S1PR1: variants seen among roughly 807,000 people sequenced by gnomAD.
S1PR1 encodes sphingosine 1-phosphate receptor 1.
A neutral mutation model predicts 18.3 loss-of-function variants in S1PR1; 2 were observed. The observed-to-expected ratio is 0.11, with a 90% CI of 0.04 to 0.34. The LOEUF (loss-of-function observed/expected upper bound fraction) is 0.34, where lower values mean the gene tolerates loss of function less well. Among genes scored for constraint, S1PR1 ranks in the 10% least tolerant of loss-of-function variants. The pLI is 1.00. For missense variants in S1PR1, 335 were observed against 493.8 expected, an observed-to-expected ratio of 0.68 and a Z score of 3.05; for synonymous variants, 222 against 211.2, an observed-to-expected ratio of 1.05 and a Z score of -0.44.
intron 1 of S1PR1, among the ~76,000 whole-genome samples, chr1:101,238,427 T>G (rs1012696148): frequency 7.1e-6 from 1 of 140,036 alleles, no homozygotes; most frequent in African/African-American, 2.7e-5. Flanking sequence ...AATCCGGGGG[T>G]GAGGGGGTGT....
At chr1:101,238,741 T>G in intron 1 of S1PR1, 81 bp from the exon 2 acceptor site, 1 of 504,870 alleles carries the variant, frequency 2.0e-6, no homozygotes, top group East Asian at 3.1e-5. Context: ...AACAACACAA[T>G]TGGAGCAGTG....
downstream of S1PR1, among the ~76,000 whole-genome samples, chr1:101,242,096 C>A (rs1652931129): frequency 6.6e-6 from 1 of 151,448 alleles, no homozygotes; most frequent in Non-Finnish European, 1.5e-5. Context: ...AGTGAAGCAG[C>A]TAGCTGTAAA....
In S1PR1 at chr1:101,239,615, A is replaced by C. The variant is rs1209378712; in HGVS notation, c.631A>C (p.Thr211Pro). ...HYILFCTTVF[T>P]LLLLSIVILY... ...TATCCTCTTCTGCACCACGGTCTTC[A>C]CTCTGCTTCTGCTCTCCATCGTCAT... Residue 211 changes from threonine (T) to proline (P), a missense_variant, in exon 2 of 2, where the codon ACT becomes CCT. Thr to Pro is a conservative substitution (Grantham distance 38, BLOSUM62 -1). Coordinates refer to ENST00000305352, the MANE Select transcript of S1PR1 (RefSeq NM_001400.5). The surrounding 1 kb of genome is among the most constrained non-coding windows in gnomAD (Gnocchi z 6.3). 1.9e-6 allele frequency: 3 copies of C among 1,613,556 alleles called. No homozygotes were observed.
chr1:101,237,907 T>G (rs184280657), intron 1 of S1PR1, among the ~76,000 whole-genome samples: 3 of 150,920 alleles, frequency 2.0e-5, no homozygotes, highest in Non-Finnish European at 2.9e-5. Context: ...TGCAATCAAC[T>G]AATGTACGAA....
Position 101,240,311 on chromosome 1 carries a change from T to C in S1PR1, c.*178T>C. On this transcript the variant is annotated 3_prime_UTR_variant, in exon 2 of 2. Transcript: ENST00000305352. The stretch of plus-strand genomic sequence containing the variant: ...GTCGGGTGTTGGTGGGTAGAGTTAG[T>C]TCCTGTGAACAATGCACTGGGAAGG... The C allele has an allele frequency of 1.5e-6, 1 of 658,912 alleles. No individual in the cohort carries two copies. The allele number at this position is 658,912 out of a possible 1,614,324, so 40.8% of individuals were successfully genotyped here. A position where few individuals can be genotyped will look rare whatever the true frequency, so the allele number is the denominator to read the frequency against.
At chr1:101,237,737 T>C (rs547947193) in intron 1 of S1PR1, among the ~76,000 whole-genome samples, 2 of 152,226 alleles carry the variant, frequency 1.3e-5, no homozygotes, top group South Asian at 2.1e-4. Context: ...CCCACGCAAA[T>C]TTAGCAATGC....
At position 101,239,564 on chromosome 1, in the gene S1PR1, G is replaced by C; in HGVS notation, c.580G>C (p.Val194Leu). 6.2e-7 allele frequency: 1 copy of C among 1,613,952 alleles called. No individual in the cohort carries two copies. Among genetic ancestry groups the C allele is most frequent in the Non-Finnish European group, 8.5e-7 (1 of 1,180,010 alleles). The change falls in exon 2 of 2, where the codon GTG becomes CTG. Residue 194 changes from valine (V) to leucine (L), a missense_variant. By Grantham distance (32) the Val-to-Leu change is conservative (BLOSUM62 1). This residue lies in a region of S1PR1 where 214 missense variants were observed against 366.6 expected (regional missense o/e 0.58). Transcript: ENST00000305352. The surrounding 1 kb of genome is among the most constrained non-coding windows in gnomAD (Gnocchi z 6.3). ...CISALSSCST[V>L]LPLYHKHYIL... is the part of the protein sequence containing the mutation. ...CAGTGCGCTGTCCAGCTGCTCCACCGTGCTGCCGCTCTACCACAAGCACTA... is the reference window on the plus strand; with the variant it reads ...CAGTGCGCTGTCCAGCTGCTCCACCCTGCTGCCGCTCTACCACAAGCACTA...
At position 101,239,306 on chromosome 1, in the gene S1PR1, A is replaced by G; in HGVS notation, c.322A>G (p.Thr108Ala). The G allele has an allele frequency of 6.2e-7, 1 of 1,614,108 alleles. No individual in the cohort carries two copies. The highest frequency in any genetic ancestry group is 8.5e-7 in the Non-Finnish European group (1 of 1,180,012). Residue 108 changes from threonine (T) to alanine (A), a missense_variant, in exon 2 of 2, where the codon ACC (threonine) becomes GCC (alanine). Transcript: ENST00000305352. This position sits in a 1 kb window ranked among gnomAD's most constrained non-coding sequence, Gnocchi z 6.3. ...AGCTAACCTGCTCTTGTCTGGGGCC[A>G]CCACCTACAAGCTCACTCCCGCCCA... ...YTANLLLSGA[T>A]TYKLTPAQWF...
In S1PR1 at chr1:101,239,098, C is replaced by T. The variant is rs777562427; in HGVS notation, c.114C>T (p.Ser38=). 6.2e-7 allele frequency: 1 copy of T among 1,614,234 alleles called. No homozygotes were observed. Among genetic ancestry groups the T allele is most frequent in the Admixed American group, 1.7e-5 (1 of 60,032 alleles). The change falls in exon 2 of 2, where the codon AGC becomes AGT. Residue 38 remains serine, a synonymous_variant. Coordinates refer to ENST00000305352, the MANE Select transcript of S1PR1 (RefSeq NM_001400.5). This position sits in a 1 kb window ranked among gnomAD's most constrained non-coding sequence, Gnocchi z 6.3. The part of the protein sequence containing the change: ...HYNYTGKLNI[S]ADKENSIKLT... ...ACTACACGGGAAAGCTGAATATCAG[C>T]GCGGACAAGGAGAACAGCATTAAAC...
At chr1:101,238,732 A>G (rs1652788403) in intron 1 of S1PR1, 90 bp from the exon 2 acceptor site, 1 of 470,718 alleles carries the variant, frequency 2.1e-6, no homozygotes, top group East Asian at 3.2e-5. Flanking sequence ...CAAATCAACA[A>G]CAACACAATT....
downstream of S1PR1, chr1:101,241,584 G>C (rs1652911795): frequency 6.1e-6 from 1 of 164,356 alleles, no homozygotes; most frequent in African/African-American, 2.4e-5. Context: ...TAGCTCTTTG[G>C]AATCAAAGTG....
Position 101,239,955 on chromosome 1 carries a change from G to T in S1PR1, c.971G>T (p.Arg324Leu). ...AAGGAGATGCGTCGGGCCTTCATCC[G>T]GATCATGTCCTGCTGCAAGTGCCCG... ...TNKEMRRAFI[R>L]IMSCCKCPSG... The change falls in exon 2 of 2, where the codon CGG (arginine) becomes CTG (leucine). Residue 324 changes from arginine (R) to leucine (L), a missense_variant. By Grantham distance (102) the Arg-to-Leu change is moderately radical. This residue lies in a region of S1PR1 where 90 missense variants were observed against 97.6 expected (regional missense o/e 0.92). Coordinates refer to ENST00000305352, the MANE Select transcript of S1PR1 (RefSeq NM_001400.5). This position sits in a 1 kb window ranked among gnomAD's most constrained non-coding sequence, Gnocchi z 6.3. The T allele has an allele frequency of 6.2e-7, 1 of 1,614,068 alleles. No individual in the cohort carries two copies. The highest frequency in any genetic ancestry group is 8.5e-7 in the Non-Finnish European group (1 of 1,180,038).
intron 1 of S1PR1, chr1:101,238,177 G>A (rs1033247956): frequency 6.6e-6 from 1 of 151,590 alleles, no homozygotes; most frequent in African/African-American, 2.4e-5. Context: ...TATTAATAGA[G>A]CCCCCAAATG....
In S1PR1 at chr1:101,240,123, C is replaced by A. The variant is rs555746685; in HGVS notation, c.1139C>A (p.Ser380Tyr). ...ATTATGTCTTCTGGAAACGTCAACTCTTCTTCCTAGAACTGGAAGCTGTCC... is the reference window on the plus strand; with the variant it reads ...ATTATGTCTTCTGGAAACGTCAACTATTCTTCCTAGAACTGGAAGCTGTCC... ...ETIMSSGNVN[S>Y]SS Residue 380 changes from serine to tyrosine, a missense_variant, in exon 2 of 2, where the codon TCT becomes TAT. By Grantham distance (144) the Ser-to-Tyr change is moderately radical (BLOSUM62 -2). Coordinates refer to ENST00000305352, the MANE Select transcript of S1PR1 (RefSeq NM_001400.5). The A allele has an allele frequency of 1.2e-5, 19 of 1,613,106 alleles. No individual in the cohort carries two copies. In the East Asian group the frequency reaches 4.2e-4, roughly 36 times the overall value.
At chr1:101,238,771 T>A in intron 1 of S1PR1, 51 bp from the exon 2 acceptor site, 1 of 586,226 alleles carries the variant, frequency 1.7e-6, no homozygotes, top group Non-Finnish European at 3.0e-6. Context: ...GAATGAATTA[T>A]GCCAGTATGC....
At chr1:101,237,491 T>C (rs192322075) in intron 1 of S1PR1, among the ~76,000 whole-genome samples, 1 of 152,272 alleles carries the variant, frequency 6.6e-6, no homozygotes, top group Admixed American at 6.5e-5. Context: ...GGTATAAAAT[T>C]AGTTGGGGGA....
downstream of S1PR1, among the ~76,000 whole-genome samples, chr1:101,242,196 A>G (rs1019846251): frequency 1.3e-5 from 2 of 152,198 alleles, no homozygotes; most frequent in African/African-American, 4.8e-5. Flanking sequence ...TAATTTTTCC[A>G]ACTACAAAAT....
rs200953230 is a variant in S1PR1, at chr1:101,241,476, C to T, written c.*1343C>T. ...CTTTTGTGGATCATTTTGCACATAG[C>T]TTTATCAACTTTTAAACATTAATAA... On this transcript the variant is annotated 3_prime_UTR_variant, in exon 2 of 2. Transcript: ENST00000305352. The T allele has an allele frequency of 6.0e-6, 1 of 166,982 alleles. No homozygotes were observed. The highest frequency in any genetic ancestry group is 1.5e-5 in the Non-Finnish European group (1 of 68,082). The allele number at this position is 166,982 out of a possible 1,614,324, so 10.3% of individuals were successfully genotyped here.
chr1:101,238,828 G>A lies in S1PR1; in HGVS notation c.-157G>A, dbSNP rs201398228. ...CTCCTCTGACTTGTTTAAGGCTGCG[G>A]TTTCCGAGGCCCTCTCCAGCCAAGG... is the stretch of plus-strand genomic sequence containing the variant. On this transcript the variant is annotated 5_prime_UTR_variant, in exon 2 of 2. Transcript: ENST00000305352. 6.2e-5 allele frequency: 42 copies of A among 682,574 alleles called. No individual in the cohort carries two copies. The highest frequency in any genetic ancestry group is 1.0e-4 in the Non-Finnish European group (41 of 411,846). The allele number at this position is 682,574 out of a possible 1,614,324, so 42.3% of individuals were successfully genotyped here. A position where few individuals can be genotyped will look rare whatever the true frequency, so the allele number is the denominator to read the frequency against.
Sources: allele counts gnomAD v4.1 joint callset (sites outside exome capture counted in the v4.1 genomes callset), GRCh38; gene constraint gnomAD v4.1.1; regional missense constraint gnomAD v4.1.1; non-coding constraint Gnocchi (gnomAD v3.1); transcripts MANE v1.5; gene names NCBI Gene and HGNC (gene_info 2026-07-23, HGNC 2026-07-21).